Variants in TRIO observed in about 807,000 individuals in gnomAD.
TRIO encodes the protein trio Rho guanine nucleotide exchange factor, also known as triple functional domain protein.
A neutral mutation model predicts 351.9 loss-of-function variants in TRIO; 58 were observed. That is an observed-to-expected ratio of 0.16 (90% confidence interval 0.13 to 0.21). TRIO has a LOEUF of 0.21. Ranked by LOEUF, TRIO falls within the 10% of genes least tolerant of loss-of-function variation. The pLI is 1.00. For synonymous variants in TRIO, 1,758 were observed against 1,595.7 expected (o/e 1.10, Z -2.42); for missense variants, 3,201 against 4,027.8 (o/e 0.79, Z 5.56).
At chr5:14,429,849 C>T (rs1025209293) in intron 34 of TRIO, among the ~76,000 whole-genome samples, 1 of 152,184 alleles carries the variant, frequency 6.6e-6, no homozygotes, top group Admixed American at 6.5e-5. Flanking sequence ...ATTTCTCCCT[C>T]CTTTTGCTGA....
chr5:14,152,332 C>G (rs908060202), intron 1 of TRIO, among the ~76,000 whole-genome samples: 1 of 151,912 alleles, frequency 6.6e-6, no homozygotes, highest in Non-Finnish European at 1.5e-5. Flanking sequence ...AAACCCAGAT[C>G]GCATGGGGGC....
chr5:14,224,113 A>G (rs245445), intron 1 of TRIO, among the ~76,000 whole-genome samples: 67,494 of 151,882 alleles, frequency 0.44, 16,996 homozygotes, highest in Non-Finnish European at 0.56. Flanking sequence ...ATTTTATTTA[A>G]TGTTACAGTG....
chr5:14,158,080 A>C (rs1207045314), intron 1 of TRIO, among the ~76,000 whole-genome samples: 1 of 152,166 alleles, frequency 6.6e-6, no homozygotes, highest in African/African-American at 2.4e-5. Context: ...GCAAGAAAAA[A>C]AATCATAATT....
chr5:14,256,755 C>T (rs183963493), intron 1 of TRIO, among the ~76,000 whole-genome samples: 36 of 152,370 alleles, frequency 2.4e-4, no homozygotes, highest in African/African-American at 8.2e-4. Context: ...GCCCGTCCTC[C>T]TCCTGTTTGG....
chr5:14,198,799 A>C (rs543544168), intron 1 of TRIO, among the ~76,000 whole-genome samples: 75 of 152,336 alleles, frequency 4.9e-4, no homozygotes, highest in African/African-American at 1.7e-3. Flanking sequence ...CACCTCCAGA[A>C]TCAAAATGGC....
chr5:14,418,620 A>G (rs1749846426), intron 33 of TRIO, among the ~76,000 whole-genome samples: 1 of 152,050 alleles, frequency 6.6e-6, no homozygotes, highest in Non-Finnish European at 1.5e-5. Context: ...CATTGCGGGG[A>G]CAGGGAAGCA....
intron 36 of TRIO, 61 bp downstream of exon 36, chr5:14,462,986 TAGCTGCTTCACACC>T: frequency 6.7e-7 from 1 of 1,484,116 alleles, no homozygotes; most frequent in Non-Finnish European, 8.9e-7. Context: ...GCACGCTCGG[TAGCTGCTTCACACC>T]AGCCTCATTT....
chr5:14,402,915 T>A (rs764882670), intron 31 of TRIO, among the ~76,000 whole-genome samples: 13 of 150,104 alleles, frequency 8.7e-5, no homozygotes, highest in Non-Finnish European at 1.8e-4. Flanking sequence ...GGGTACAGAT[T>A]TTGTTGGTCT....
chr5:14,441,511 A>G (rs913819708), intron 34 of TRIO, among the ~76,000 whole-genome samples: 1 of 151,780 alleles, frequency 6.6e-6, no homozygotes, highest in Non-Finnish European at 1.5e-5. Context: ...CCACCTTGGG[A>G]GGGGGCTGTG....
intron 3 of TRIO, among the ~76,000 whole-genome samples, chr5:14,284,161 T>A (rs1044878984): frequency 6.6e-6 from 1 of 152,226 alleles, no homozygotes; most frequent in Non-Finnish European, 1.5e-5. Context: ...TTCTCTTTTT[T>A]AGGGACCTGT....
intron 11 of TRIO, among the ~76,000 whole-genome samples, chr5:14,339,648 A>G (rs1382645044): frequency 1.3e-5 from 2 of 152,220 alleles, no homozygotes; most frequent in Non-Finnish European, 2.9e-5. Context: ...TAGGGAGGGC[A>G]TAGCAGGACA....
chr5:14,150,834 G>A (rs1370373811), intron 1 of TRIO, among the ~76,000 whole-genome samples: 1 of 152,122 alleles, frequency 6.6e-6, no homozygotes, highest in Non-Finnish European at 1.5e-5. Context: ...ATAATTGCCC[G>A]GGGGTGATCT....
intron 19 of TRIO, among the ~76,000 whole-genome samples, chr5:14,376,865 G>C (rs1321198879): frequency 6.6e-6 from 1 of 152,176 alleles, no homozygotes; most frequent in South Asian, 2.1e-4. Flanking sequence ...ATGATTACCT[G>C]TTCCCTTACT....
Position 14,156,681 on chromosome 5 carries a change from T to G in TRIO, c.157+12799T>G, listed in dbSNP as rs1214962963. ...ATCCTAGAATATGCAGAAAGTAATT[T>G]GAGAATGCTAACCCACACCACGGTG... is the stretch of plus-strand genomic sequence containing the variant. On this transcript the variant is annotated intron_variant, in intron 1 of 56. Transcript: ENST00000344204. Among the ~76,000 whole-genome samples, 6 of 152,332 alleles carry G rather than the reference T, an allele frequency of 3.9e-5. No homozygotes were observed. The East Asian group carries it at 9.6e-4, about 24-fold the overall frequency.
At chr5:14,498,485 T>C (rs767796227) in intron 52 of TRIO, 34 bp from the exon 53 acceptor site, 2 of 1,603,562 alleles carry the variant, frequency 1.2e-6, no homozygotes, top group Admixed American at 3.4e-5. Context: ...GCTCAGCTTT[T>C]CTGATGCGCA....
At chr5:14,464,016 T>C (rs575344059) in intron 36 of TRIO, among the ~76,000 whole-genome samples, 15 of 152,164 alleles carry the variant, frequency 9.9e-5, no homozygotes, top group Non-Finnish European at 1.9e-4. Flanking sequence ...GCTGCAGGAC[T>C]GAGCACAGGT....
chr5:14,304,821 T>C (rs527968742), intron 8 of TRIO, among the ~76,000 whole-genome samples: 1 of 152,258 alleles, frequency 6.6e-6, no homozygotes, highest in South Asian at 2.1e-4. Context: ...ATAGAGCGCT[T>C]ATATGCTCAG....
At position 14,507,826 on chromosome 5, in the gene TRIO, G is replaced by A. The variant is rs182694122; in HGVS notation, c.8752-54G>A. ...ACCATAGAGTCCCGCCCATCATCAC[G>A]AGTAAGCTTAAGATTGGATGGTCTG... On this transcript the variant is annotated intron_variant, in intron 56 of 56. Coordinates refer to ENST00000344204, the MANE Select transcript of TRIO (RefSeq NM_007118.4). The A allele has an allele frequency of 5.5e-5, 86 of 1,566,844 alleles. No homozygotes were observed. The African/African-American group carries it at 9.6e-4, about 17-fold the overall frequency.
At chr5:14,422,207 G>A (rs982694295) in intron 34 of TRIO, among the ~76,000 whole-genome samples, 1 of 152,234 alleles carries the variant, frequency 6.6e-6, no homozygotes, top group African/African-American at 2.4e-5. Context: ...AGTATCAGAT[G>A]TTCAGGCTGC....
Sources: allele counts gnomAD v4.1 joint callset (sites outside exome capture counted in the v4.1 genomes callset), GRCh38; gene constraint gnomAD v4.1.1; transcripts MANE v1.5; gene names NCBI Gene and HGNC (gene_info 2026-07-23, HGNC 2026-07-21).